Variants in MAD1L1 observed in about 807,000 individuals in gnomAD.
MAD1L1 encodes mitotic arrest deficient 1 like 1.
A neutral mutation model predicts 96.9 loss-of-function variants in MAD1L1; 95 were observed. That is an observed-to-expected ratio of 0.98 (90% CI 0.83 to 1.16). MAD1L1 has a LOEUF of 1.16. Among genes scored for constraint, MAD1L1 ranks in the 50% most tolerant of loss-of-function variants. MAD1L1 has a pLI of 0.00. For synonymous variants in MAD1L1, 473 were observed against 396.6 expected, an observed-to-expected ratio of 1.19 and a Z score of -2.29; for missense variants, 1,007 against 954.4, an observed-to-expected ratio of 1.06 and a Z score of -0.73.
At chr7:1,962,498 T>A (rs767462804) in intron 15 of MAD1L1, among the ~76,000 whole-genome samples, 1 of 152,166 alleles carries the variant, frequency 6.6e-6, no homozygotes, top group African/African-American at 2.4e-5. Flanking sequence ...AAATACCTGA[T>A]GAAAGAACGA....
intron 14 of MAD1L1, among the ~76,000 whole-genome samples, chr7:1,995,132 T>G (rs1410769572): frequency 6.6e-6 from 1 of 152,186 alleles, no homozygotes; most frequent in Non-Finnish European, 1.5e-5. Flanking sequence ...TTCCCTCCAA[T>G]GCAAGAGGCA....
At chr7:1,889,947 G>A (rs2128436994) in intron 18 of MAD1L1, among the ~76,000 whole-genome samples, 1 of 152,352 alleles carries the variant, frequency 6.6e-6, no homozygotes, top group Admixed American at 6.5e-5. Flanking sequence ...TGGGCCCCAG[G>A]CTGGTGGTGC....
intron 12 of MAD1L1, among the ~76,000 whole-genome samples, chr7:2,035,068 G>A (rs1168186726): frequency 6.6e-6 from 1 of 152,260 alleles, no homozygotes; most frequent in Non-Finnish European, 1.5e-5. Context: ...AAACTCCACA[G>A]GGAAGCCAAC....
chr7:1,843,492 C>T (rs1783400618), intron 18 of MAD1L1, among the ~76,000 whole-genome samples: 1 of 152,200 alleles, frequency 6.6e-6, no homozygotes, highest in African/African-American at 2.4e-5. Flanking sequence ...GGCAGCTTTT[C>T]CGCGCTTCCC....
At chr7:2,006,616 C>T (rs138036452) in intron 13 of MAD1L1, among the ~76,000 whole-genome samples, 47 of 150,914 alleles carry the variant, frequency 3.1e-4, no homozygotes, top group African/African-American at 9.3e-4. Context: ...TCATTAAACC[C>T]GCACAGCCCA....
intron 10 of MAD1L1, among the ~76,000 whole-genome samples, chr7:2,162,002 G>C (rs1249894079): frequency 6.8e-6 from 1 of 146,542 alleles, no homozygotes; most frequent in Non-Finnish European, 1.5e-5. Flanking sequence ...TCCGGGAGGT[G>C]GGGGGCGGCC....
intron 12 of MAD1L1, among the ~76,000 whole-genome samples, chr7:2,025,842 C>A (rs1329872214): frequency 6.6e-6 from 1 of 152,074 alleles, no homozygotes; most frequent in Admixed American, 6.6e-5. Flanking sequence ...CTTATAATCA[C>A]CAACATAGCC....
intron 11 of MAD1L1, among the ~76,000 whole-genome samples, chr7:2,100,576 C>G (rs1378041678): frequency 1.3e-5 from 2 of 152,242 alleles, no homozygotes; most frequent in Non-Finnish European, 2.9e-5. Context: ...CTCCTGACAC[C>G]TGAGAGCAGA....
At chr7:2,104,476 G>A (rs867144776) in intron 11 of MAD1L1, among the ~76,000 whole-genome samples, 2 of 152,340 alleles carry the variant, frequency 1.3e-5, no homozygotes, top group South Asian at 2.1e-4. Flanking sequence ...TACAGGGGGC[G>A]GCTGCGGCAC....
At chr7:1,925,531 C>T (rs1392184093) in intron 17 of MAD1L1, among the ~76,000 whole-genome samples, 1 of 152,204 alleles carries the variant, frequency 6.6e-6, no homozygotes, top group Non-Finnish European at 1.5e-5. Context: ...AGGGCAGATA[C>T]AGAGAGCCAA....
chr7:1,861,901 G>A (rs1275432165), intron 18 of MAD1L1, among the ~76,000 whole-genome samples: 2 of 151,562 alleles, frequency 1.3e-5, no homozygotes, highest in African/African-American at 4.8e-5. Flanking sequence ...ACACTGCTCC[G>A]CCTGCCCCCT....
At chr7:1,879,418 G>A (rs1785557394) in intron 18 of MAD1L1, among the ~76,000 whole-genome samples, 1 of 148,334 alleles carries the variant, frequency 6.7e-6, no homozygotes, top group Non-Finnish European at 1.5e-5. Flanking sequence ...TCACTCCATG[G>A]CACTCCAGCC....
chr7:2,225,788 T>A (rs1401384240), intron 3 of MAD1L1, among the ~76,000 whole-genome samples: 1 of 152,202 alleles, frequency 6.6e-6, no homozygotes, highest in African/African-American at 2.4e-5. Flanking sequence ...AGCATATTAG[T>A]GAAGGCAACG....
intron 10 of MAD1L1, among the ~76,000 whole-genome samples, chr7:2,149,505 A>G (rs1047874866): frequency 9.2e-5 from 14 of 152,184 alleles, no homozygotes; most frequent in African/African-American, 3.4e-4. Flanking sequence ...ACGACCTGAC[A>G]GTGTCACTCT....
At position 2,095,333 on chromosome 7, in the gene MAD1L1, G is replaced by A. The variant is rs548352044; in HGVS notation, c.1074-25995C>T. On this transcript the variant is annotated intron_variant, in intron 11 of 18. Transcript: ENST00000265854. ...TGCTGGGATTACAGGCATGAGCCACGGCGCCCAGCCTGCAAGAAATATTTT... is the reference window on the plus strand; with the variant it reads ...TGCTGGGATTACAGGCATGAGCCACAGCGCCCAGCCTGCAAGAAATATTTT... 7.9e-5 allele frequency among the ~76,000 whole-genome samples: 12 copies of A among 152,252 alleles called. No individual in the cohort carries two copies. The East Asian group carries it at 1.7e-3, about 22-fold the overall frequency.
chr7:1,826,398 C>T (rs1221305899), intron 18 of MAD1L1, among the ~76,000 whole-genome samples: 2 of 152,190 alleles, frequency 1.3e-5, no homozygotes, highest in Admixed American at 6.5e-5. Context: ...CTGACTCCCC[C>T]GCTCATGGCC....
chr7:1,912,941 C>T (rs1468270441), intron 17 of MAD1L1, among the ~76,000 whole-genome samples: 10 of 151,676 alleles, frequency 6.6e-5, no homozygotes, highest in Non-Finnish European at 1.5e-4. Context: ...CTTTGCATGC[C>T]GCGTTCATGA....
chr7:1,958,861 T>A (rs1244907580), intron 15 of MAD1L1, among the ~76,000 whole-genome samples: 1 of 152,208 alleles, frequency 6.6e-6, no homozygotes, highest in African/African-American at 2.4e-5. Flanking sequence ...GGAAACTACC[T>A]GTCAGATAAA....
Position 1,898,106 on chromosome 7 carries a change from G to A in MAD1L1, c.1998+94C>T, listed in dbSNP as rs186277213. ...CCTCCACACCATCCCCTTTGGACGCGAGGCTGCTCCTTTGCTGAGGGCTAC... is the reference window on the plus strand; with the variant it reads ...CCTCCACACCATCCCCTTTGGACGCAAGGCTGCTCCTTTGCTGAGGGCTAC... On this transcript the variant is annotated intron_variant, in intron 18 of 18. Transcript: ENST00000265854. The A allele has an allele frequency of 5.6e-4, 748 of 1,338,626 alleles. 4 individuals are homozygous for A. In the African/African-American group the frequency reaches 8.6e-3, roughly 15 times the overall value. The allele number at this position is 1,338,626 out of a possible 1,614,324, so 82.9% of individuals were successfully genotyped here. A position where few individuals can be genotyped will look rare whatever the true frequency, so the allele number is the denominator to read the frequency against.
Sources: gnomAD v4.1 joint callset for allele counts (sites outside exome capture counted in the v4.1 genomes callset) on GRCh38, gnomAD v4.1.1 for gene constraint, MANE v1.5 for transcripts, NCBI Gene and HGNC (gene_info 2026-07-23, HGNC 2026-07-21) for gene names.